CTNNA2: variants seen among roughly 807,000 people sequenced by gnomAD.
The protein encoded by CTNNA2 is catenin alpha-2.
In CTNNA2, 42 loss-of-function variants were observed where a neutral mutation model predicts 101.0. The ratio of observed to expected loss-of-function variants is 0.42; its 90% CI spans 0.32 to 0.54. The LOEUF (loss-of-function observed/expected upper bound fraction) is 0.54. CTNNA2 is among the 20% of genes least tolerant of loss of function. The probability of loss-of-function intolerance (pLI) is 0.14; values close to 1 mark genes in which losing one functional copy is unlikely to be tolerated. For missense variants in CTNNA2, 871 were observed against 1,223.1 expected (o/e 0.71, Z 4.29); for synonymous variants, 450 against 456.4 (o/e 0.99, Z 0.18).
chr2:79,930,292 A>AAGAAAGAAAG (rs1687321304), intron 7 of CTNNA2, among the ~76,000 whole-genome samples: 1 of 68,536 alleles, frequency 1.5e-5, no homozygotes, highest in Non-Finnish European at 3.1e-5. Context: ...GAGAGAGAGA[A>AAGAAAGAAAG]AGAGAAAGAA....
chr2:80,131,006 A>G (rs1702384724), intron 7 of CTNNA2, among the ~76,000 whole-genome samples: 1 of 151,776 alleles, frequency 6.6e-6, no homozygotes, highest in African/African-American at 2.4e-5. Flanking sequence ...CCAAAAAAGC[A>G]TATGGTTTAG....
chr2:80,214,039 C>T (rs1200412333), intron 7 of CTNNA2, among the ~76,000 whole-genome samples: 1 of 152,048 alleles, frequency 6.6e-6, no homozygotes, highest in Non-Finnish European at 1.5e-5. Context: ...ATTGCAACCC[C>T]TGCTTGTTTT....
intron 3 of CTNNA2, among the ~76,000 whole-genome samples, chr2:79,793,535 G>A (rs1675448721): frequency 6.6e-6 from 1 of 152,142 alleles, no homozygotes; most frequent in Admixed American, 6.5e-5. Flanking sequence ...TTTATTATAG[G>A]AAGTAATAAG....
chr2:79,587,595 G>A (rs1275952810), intron 1 of CTNNA2, among the ~76,000 whole-genome samples: 1 of 151,910 alleles, frequency 6.6e-6, no homozygotes, highest in Non-Finnish European at 1.5e-5. Flanking sequence ...TCTAGTCACT[G>A]ACACACAGGT....
At chr2:80,043,095 C>CTTTCTTTCTTTCTT (rs1312488621) in intron 7 of CTNNA2, among the ~76,000 whole-genome samples, 6 of 19,928 alleles carry the variant, frequency 3.0e-4, no homozygotes, top group African/African-American at 1.7e-3. Context: ...TTCTTTCTTT[C>CTTTCTTTCTTTCTT]TCTCTCTCTC....
intron 2 of CTNNA2, among the ~76,000 whole-genome samples, chr2:79,695,322 AGAG>A (rs938013254): frequency 1.3e-5 from 2 of 151,990 alleles, no homozygotes; most frequent in Non-Finnish European, 2.9e-5. Context: ...TTAAAGTAGA[AGAG>A]GAGATTTTAT....
chr2:79,364,381 A>G (rs1000894877), intron 3 of CTNNA2, among the ~76,000 whole-genome samples: 4 of 152,132 alleles, frequency 2.6e-5, no homozygotes, highest in Non-Finnish European at 5.9e-5. Context: ...CACTGTCACT[A>G]TAGGGCCAGT....
chr2:79,315,406 C>T (rs1676471155), intron 3 of CTNNA2, among the ~76,000 whole-genome samples: 1 of 152,138 alleles, frequency 6.6e-6, no homozygotes, highest in African/African-American at 2.4e-5. Flanking sequence ...AGTTATTTCT[C>T]CTCATCTTTA....
Position 80,303,716 on chromosome 2 carries a change from G to T in CTNNA2, c.1057-89495G>T. On this transcript the variant is annotated intron_variant, in intron 7 of 18. Coordinates refer to ENST00000402739, the MANE Select transcript of CTNNA2 (RefSeq NM_001282597.3). This position sits in a 1 kb window ranked among gnomAD's most constrained non-coding sequence, Gnocchi z 7.7. Reference sequence around the variant, plus strand: ...GCACAGCTGCGGGCACCCGCTGGGGGCGGCGGGCAGCATCTGAAAGCAGGC... The same window carrying T: ...GCACAGCTGCGGGCACCCGCTGGGGTCGGCGGGCAGCATCTGAAAGCAGGC... The T allele has an allele frequency of 1.9e-6, 3 of 1,606,898 alleles. No individual in the cohort carries two copies. The highest frequency in any genetic ancestry group is 2.5e-6 in the Non-Finnish European group (3 of 1,176,526).
intron 4 of CTNNA2, among the ~76,000 whole-genome samples, chr2:79,396,556 G>A (rs1021956621): frequency 2.6e-5 from 4 of 152,064 alleles, no homozygotes; most frequent in Non-Finnish European, 4.4e-5. Context: ...GATTAGGTTC[G>A]ACTGTCTTCC....
intron 7 of CTNNA2, among the ~76,000 whole-genome samples, chr2:80,110,000 G>A (rs563442669): frequency 4.9e-4 from 74 of 152,230 alleles, no homozygotes; most frequent in Non-Finnish European, 8.5e-4. Flanking sequence ...GATTGTGTGC[G>A]CACTGCGTTA....
At chr2:79,201,486 G>A (rs377509394) in intron 2 of CTNNA2, among the ~76,000 whole-genome samples, 14 of 152,232 alleles carry the variant, frequency 9.2e-5, no homozygotes, top group East Asian at 7.7e-4. Context: ...CCAGAAAGAA[G>A]TTACCTGCCT....
At chr2:80,269,417 C>T (rs1673281990) in intron 7 of CTNNA2, among the ~76,000 whole-genome samples, 2 of 152,178 alleles carry the variant, frequency 1.3e-5, no homozygotes, top group African/African-American at 4.8e-5. Context: ...CCCAGCCCTT[C>T]AGAACTGTGA....
At chr2:79,413,986 T>C (rs1678448921) in intron 4 of CTNNA2, among the ~76,000 whole-genome samples, 2 of 147,750 alleles carry the variant, frequency 1.4e-5, no homozygotes, top group Admixed American at 1.4e-4. Context: ...CTTTTTAGTT[T>C]GATATAATTC....
intron 7 of CTNNA2, among the ~76,000 whole-genome samples, chr2:79,919,046 T>C (rs978399263): frequency 1.3e-5 from 2 of 152,170 alleles, no homozygotes; most frequent in African/African-American, 4.8e-5. Context: ...TAGAGGGATA[T>C]GGGCTTACTT....
intron 9 of CTNNA2, among the ~76,000 whole-genome samples, chr2:80,461,285 TCACC>T (rs1684400086): frequency 6.6e-6 from 1 of 152,158 alleles, no homozygotes; most frequent in Non-Finnish European, 1.5e-5. Context: ...TGATGTCTGA[TCACC>T]CTGGCCCGTT....
intron 2 of CTNNA2, among the ~76,000 whole-genome samples, chr2:79,675,559 T>C (rs910037275): frequency 2.0e-5 from 3 of 152,176 alleles, no homozygotes; most frequent in African/African-American, 7.2e-5. Flanking sequence ...CAGAACGCAG[T>C]TTTAACTACA....
At chr2:80,438,803 A>G (rs1682291400) in intron 9 of CTNNA2, among the ~76,000 whole-genome samples, 1 of 152,108 alleles carries the variant, frequency 6.6e-6, no homozygotes, top group African/African-American at 2.4e-5. Context: ...GCTGTGATTT[A>G]TTCACCAAAG....
At chr2:79,610,427 T>C (rs1678192598) in intron 1 of CTNNA2, among the ~76,000 whole-genome samples, 1 of 152,164 alleles carries the variant, frequency 6.6e-6, no homozygotes, top group Admixed American at 6.5e-5. Flanking sequence ...TGAATGTTTA[T>C]AGCTGCTTTA....
Sources: gnomAD v4.1 joint callset for allele counts (sites outside exome capture counted in the v4.1 genomes callset) on GRCh38, gnomAD v4.1.1 for gene constraint, Gnocchi (gnomAD v3.1) non-coding constraint, MANE v1.5 for transcripts, NCBI Gene and HGNC (gene_info 2026-07-23, HGNC 2026-07-21) for gene names.